Variants in RTN1 observed in about 807,000 individuals in gnomAD.
RTN1 encodes the protein reticulon-1.
Under a neutral mutation model 65.5 loss-of-function variants are expected in RTN1, and 25 were observed. That is an observed-to-expected ratio of 0.38 (90% CI 0.28 to 0.53). RTN1 has a LOEUF of 0.53. RTN1 is among the 20% of genes least tolerant of loss of function. The pLI, the probability that RTN1 is intolerant of heterozygous loss-of-function variation, is 0.79. For synonymous variants in RTN1, 471 were observed against 447.6 expected (o/e 1.05, Z -0.66); for missense variants, 983 against 1,025.4 (o/e 0.96, Z 0.57).
At chr14:59,650,989 G>C (rs1883008424) in intron 3 of RTN1, among the ~76,000 whole-genome samples, 1 of 151,942 alleles carries the variant, frequency 6.6e-6, no homozygotes, top group African/African-American at 2.4e-5. Flanking sequence ...TGGCTAACAT[G>C]GCGAAACCCT....
At chr14:59,819,608 A>T (rs1190149635) in intron 1 of RTN1, among the ~76,000 whole-genome samples, 2 of 151,920 alleles carry the variant, frequency 1.3e-5, no homozygotes, top group African/African-American at 4.8e-5. Context: ...CACTGTTGTC[A>T]GCCCTTGGGC....
At chr14:59,779,398 T>G (rs745598548) in intron 1 of RTN1, among the ~76,000 whole-genome samples, 2 of 151,946 alleles carry the variant, frequency 1.3e-5, no homozygotes, top group African/African-American at 2.4e-5. Flanking sequence ...CTCACTGGGA[T>G]AGAGAAATGA....
At chr14:59,627,113 C>T (rs1301788599) in intron 3 of RTN1, among the ~76,000 whole-genome samples, 1 of 152,218 alleles carries the variant, frequency 6.6e-6, no homozygotes, top group Non-Finnish European at 1.5e-5. Flanking sequence ...AGTCAGTTAA[C>T]TTCTGAGCCT....
At position 59,749,220 on chromosome 14, in the gene RTN1, C is replaced by CTA. The variant is rs1441023847; in HGVS notation, c.242-2741_242-2740dup. Among the ~76,000 whole-genome samples, 356 of 55,864 alleles carry CTA rather than the reference C, an allele frequency of 6.4e-3. 55 individuals carry two copies. Among genetic ancestry groups the CTA allele is most frequent in the African/African-American group, 0.053 (340 of 6,464 alleles). 36.6% of individuals were successfully genotyped at this position (55,864 alleles called of 152,430 possible). A position where few individuals can be genotyped will look rare whatever the true frequency, so the allele number is the denominator to read the frequency against. On this transcript the variant is annotated intron_variant, in intron 1 of 8. Coordinates refer to ENST00000267484, the MANE Select transcript of RTN1 (RefSeq NM_021136.3). ...TATCTATATATATATCTATATATATCTATATATCTATATATATCTATATAT... is the reference window on the plus strand; with the variant it reads ...TATCTATATATATATCTATATATATCTATATATATCTATATATATCTATATAT...
rs553911879 is a variant in RTN1 at position 59,838,302 on chromosome 14, T to C, written c.241+32088A>G. Among the ~76,000 whole-genome samples, 253 of 152,316 alleles carry C rather than the reference T, an allele frequency of 1.7e-3. 1 individual carries two copies. Among genetic ancestry groups the C allele is most frequent in the Non-Finnish European group, 1.5e-3 (103 of 68,032 alleles). On this transcript the variant is annotated intron_variant, in intron 1 of 8. Transcript: ENST00000267484. ...CAGTTCAACCTTTCCGAAAGGACAT[T>C]TGACAATTTGCATCAAAAGCCTGAA...
chr14:59,726,648 C>A, intron 3 of RTN1, among the ~76,000 whole-genome samples: 1 of 152,210 alleles, frequency 6.6e-6, no homozygotes. Flanking sequence ...TTTAGGAGAT[C>A]CTGGAGTGAA....
chr14:59,664,258 G>A (rs1883314597), intron 3 of RTN1, among the ~76,000 whole-genome samples: 1 of 152,112 alleles, frequency 6.6e-6, no homozygotes, highest in African/African-American at 2.4e-5. Flanking sequence ...ATAAGTGGGA[G>A]TTGAACGATG....
rs377516312 is a variant in RTN1, at chr14:59,614,184, A to G, written c.1766-6692T>C. ...AAATGCAGGGTAGAAGCATTGCACT[A>G]TCTTCTCCTGAGTATTTTCCTCCTT... On this transcript the variant is annotated intron_variant, in intron 3 of 8. Transcript: ENST00000267484. Among the ~76,000 whole-genome samples, 5 of 152,286 alleles carry G rather than the reference A, an allele frequency of 3.3e-5. No homozygotes were observed. In the East Asian group the frequency reaches 9.7e-4, roughly 29 times the overall value.
At chr14:59,676,241 T>G (rs1883624860) in intron 3 of RTN1, among the ~76,000 whole-genome samples, 1 of 152,210 alleles carries the variant, frequency 6.6e-6, no homozygotes, top group South Asian at 2.1e-4. Context: ...GGAAAGCAAT[T>G]TTAGCTAGTT....
intron 1 of RTN1, among the ~76,000 whole-genome samples, chr14:59,750,237 T>TATTATATCTATAATATATAC (rs1885445052): frequency 3.2e-5 from 2 of 61,962 alleles, no homozygotes; most frequent in South Asian, 9.4e-4. Context: ...ATAATATATA[T>TATTATATCTATAATATATAC]ATTATATCTA....
intron 1 of RTN1, among the ~76,000 whole-genome samples, chr14:59,842,142 A>G (rs1887325326): frequency 6.6e-6 from 1 of 151,692 alleles, no homozygotes; most frequent in Non-Finnish European, 1.5e-5. Flanking sequence ...AAATTTTAAA[A>G]AAGAAAAAAA....
chr14:59,635,053 G>T (rs547279743), intron 3 of RTN1, among the ~76,000 whole-genome samples: 29 of 152,072 alleles, frequency 1.9e-4, no homozygotes, highest in Non-Finnish European at 3.5e-4. Context: ...AAATTCTAGG[G>T]TTATGACAGT....
At position 59,803,105 on chromosome 14, in the gene RTN1, T is replaced by G. The variant is rs1427727185; in HGVS notation, c.242-56624A>C. Among the ~76,000 whole-genome samples the G allele has an allele frequency of 1.3e-5, 2 of 152,168 alleles. No homozygotes were observed. The highest frequency in any genetic ancestry group is 2.9e-5 in the Non-Finnish European group (2 of 68,028). ...GCACACAGGCCATGCAGAAAACCGC[T>G]GTCTATCTAAATGAAATCAAAAGGA... is the stretch of plus-strand genomic sequence containing the variant. On this transcript the variant is annotated intron_variant, in intron 1 of 8. Coordinates refer to ENST00000267484, the MANE Select transcript of RTN1 (RefSeq NM_021136.3). The surrounding 1 kb of genome is among the most constrained non-coding windows in gnomAD (Gnocchi z 5.6).
intron 3 of RTN1, among the ~76,000 whole-genome samples, chr14:59,679,749 A>G (rs2140220902): frequency 6.6e-6 from 1 of 152,316 alleles, no homozygotes; most frequent in South Asian, 2.1e-4. Context: ...TTATTGCCAC[A>G]GACACTTCAA....
intron 1 of RTN1, among the ~76,000 whole-genome samples, chr14:59,805,986 C>T (rs1190024967): frequency 6.6e-6 from 1 of 152,014 alleles, no homozygotes; most frequent in Non-Finnish European, 1.5e-5. Context: ...GCTTGTAATC[C>T]CCCCACTTTG....
intron 3 of RTN1, among the ~76,000 whole-genome samples, chr14:59,624,327 T>A (rs1224546880): frequency 6.6e-6 from 1 of 152,182 alleles, no homozygotes; most frequent in African/African-American, 2.4e-5. Context: ...TATCAAGATT[T>A]AAAGTAGTTA....
At chr14:59,814,101 T>C (rs897467994) in intron 1 of RTN1, among the ~76,000 whole-genome samples, 7 of 152,224 alleles carry the variant, frequency 4.6e-5, no homozygotes, top group Non-Finnish European at 8.8e-5. Context: ...ATTTGACTTA[T>C]AGATTTGCTC....
In RTN1 at chr14:59,726,903, G is replaced by C; in HGVS notation, c.1765+16C>G. 1 of 1,602,950 alleles carries C rather than the reference G, an allele frequency of 6.2e-7. No individual in the cohort carries two copies. The highest frequency in any genetic ancestry group is 1.3e-5 in the African/African-American group (1 of 74,728). On this transcript the variant is annotated intron_variant, in intron 3 of 8. Coordinates refer to ENST00000267484, the MANE Select transcript of RTN1 (RefSeq NM_021136.3). The stretch of plus-strand genomic sequence containing the variant: ...GGGAGGACACTAACCAAGCATCCCT[G>C]CTTGGGATCCTTTACCTTTTTGCTT...
chr14:59,687,380 T>C (rs1169473739), intron 3 of RTN1, among the ~76,000 whole-genome samples: 1 of 151,618 alleles, frequency 6.6e-6, no homozygotes, highest in Non-Finnish European at 1.5e-5. Context: ...CCTGGATCAG[T>C]AGTCGGAGCC....
Sources: gnomAD v4.1 joint callset for allele counts (sites outside exome capture counted in the v4.1 genomes callset) on GRCh38, gnomAD v4.1.1 for gene constraint, Gnocchi (gnomAD v3.1) non-coding constraint, MANE v1.5 for transcripts, NCBI Gene and HGNC (gene_info 2026-07-23, HGNC 2026-07-21) for gene names.